The following GALK1 variants were observed in gnomAD, a reference collection of about 807,000 sequenced individuals.
GALK1 encodes the protein galactokinase.
GALK1 carries 30 observed loss-of-function variants against 38.6 expected under a neutral mutation model. The ratio of observed to expected loss-of-function variants is 0.78; its 90% CI spans 0.58 to 1.05. GALK1 has a LOEUF of 1.05. Among genes scored for constraint, GALK1 ranks in the 50% least tolerant of loss-of-function variants. The pLI is 0.00. For synonymous variants in GALK1, 240 were observed against 233.6 expected (o/e 1.03, Z -0.25); for missense variants, 512 against 540.5 (o/e 0.95, Z 0.52).
intron 1 of GALK1, chr17:75,764,534 C>A (rs2061602249): frequency 2.1e-6 from 1 of 487,266 alleles, no homozygotes; most frequent in Non-Finnish European, 4.0e-6. Flanking sequence ...TCCAGCAGTT[C>A]ACTGGGCCTC....
intron 2 of GALK1, 49 bp from the exon 3 acceptor site, chr17:75,763,488 G>A (rs1286260335): frequency 3.9e-5 from 60 of 1,549,448 alleles, no homozygotes; most frequent in Non-Finnish European, 5.2e-5. Context: ...CTGGGAGGAT[G>A]GCACAGGAAG....
chr17:75,757,558 G>A (rs375665623), downstream of GALK1: 315 of 1,613,180 alleles, frequency 2.0e-4, no homozygotes, highest in Admixed American at 2.5e-4. Flanking sequence ...AAACTTGACC[G>A]CACCCTGCCC....
chr17:75,764,282 C>A, intron 1 of GALK1, 196 bp from the exon 2 acceptor site: 1 of 762,662 alleles, frequency 1.3e-6, no homozygotes. Flanking sequence ...TCTTCAGGGG[C>A]GGGGCGGCTG....
downstream of GALK1, chr17:75,757,062 G>C: frequency 1.9e-6 from 3 of 1,612,840 alleles, no homozygotes; most frequent in East Asian, 2.2e-5. Flanking sequence ...TGAGGGCTTC[G>C]GGCCAGAGCG....
chr17:75,755,124 G>C, downstream of GALK1: 1 of 1,610,298 alleles, frequency 6.2e-7, no homozygotes, highest in Non-Finnish European at 8.5e-7. Flanking sequence ...TCCCGGAGTC[G>C]GGCTCAGATG....
At chr17:75,755,906 G>A (rs950716066), downstream of GALK1, 3 of 1,574,320 alleles carry the variant, frequency 1.9e-6, no homozygotes, top group Admixed American at 3.5e-5. Flanking sequence ...CCTGGCCCCA[G>A]TGTGACACAT....
chr17:75,755,669 A>T (rs1313218084), downstream of GALK1: 1 of 1,611,976 alleles, frequency 6.2e-7, no homozygotes, highest in South Asian at 1.1e-5. Flanking sequence ...TAGCCCCTGC[A>T]TCTCTGGCTG....
downstream of GALK1, chr17:75,755,879 G>A (rs1191000781): frequency 6.3e-7 from 1 of 1,594,580 alleles, no homozygotes; most frequent in Non-Finnish European, 8.5e-7. Context: ...CAGGCTGCGG[G>A]GTGCAGCCCT....
intron 8 of GALK1, chr17:75,752,403 G>A: frequency 6.2e-7 from 1 of 1,612,674 alleles, no homozygotes; most frequent in Non-Finnish European, 8.5e-7. Context: ...CAGGGGGGCA[G>A]GGGGCAGCAG....
At chr17:75,751,835 G>A (rs1568379298) in intron 8 of GALK1, 1 of 411,254 alleles carries the variant, frequency 2.4e-6, no homozygotes, top group Non-Finnish European at 4.6e-6. Flanking sequence ...CTCCAGTCCT[G>A]GAAGGGAGGC....
In GALK1 at chr17:75,764,007, G is replaced by C; in HGVS notation, c.245C>G (p.Ala82Gly). The C allele has an allele frequency of 1.9e-6, 3 of 1,609,734 alleles. No individual in the cohort carries two copies. The highest frequency in any genetic ancestry group is 2.5e-6 in the Non-Finnish European group (3 of 1,178,942). The change falls in exon 2 of 8, where the codon GCC becomes GGC. Residue 82 changes from alanine to glycine, a missense_variant. By Grantham distance (60) the Ala-to-Gly change is moderately conservative. Coordinates refer to ENST00000588479, the MANE Select transcript of GALK1 (RefSeq NM_000154.2). ...LVSLLTTSEG[A>G]DEPQRLQFPL... The stretch of plus-strand genomic sequence containing the variant: ...AAACTGCAGCCGCTGGGGCTCATCG[G>C]CACCCTCAGAGGTGGTGAGGAGAGA...
At chr17:75,754,363 C>T (rs1237928793), downstream of GALK1, 6 of 620,740 alleles carry the variant, frequency 9.7e-6, no homozygotes, top group Middle Eastern at 4.3e-4. Context: ...ATAGAGTGGC[C>T]GGCCAGAGGA....
intron 2 of GALK1, 106 bp downstream of exon 2, chr17:75,763,791 T>C: frequency 8.7e-7 from 1 of 1,143,576 alleles, no homozygotes; most frequent in Non-Finnish European, 1.3e-6. Context: ...GATGCTCCAC[T>C]CTACAAGCCT....
At chr17:75,764,651 C>T (rs1241937937) in intron 1 of GALK1, 4 of 507,796 alleles carry the variant, frequency 7.9e-6, no homozygotes, top group South Asian at 5.8e-5. Context: ...CGCGGAGTGT[C>T]CCCTTCTGCG....
downstream of GALK1, chr17:75,757,375 C>T (rs537736971): frequency 1.9e-6 from 3 of 1,612,866 alleles, no homozygotes; most frequent in African/African-American, 2.7e-5. Flanking sequence ...GGGAGAAGGG[C>T]AGACCCCAAG....
At chr17:75,755,864 G>C (rs1007627082), downstream of GALK1, 3 of 1,598,718 alleles carry the variant, frequency 1.9e-6, no homozygotes, top group African/African-American at 4.0e-5. Context: ...AGGCATGGTG[G>C]CTGCCAGGCT....
chr17:75,764,581 G>C (rs981020458), intron 1 of GALK1: 6 of 455,902 alleles, frequency 1.3e-5, no homozygotes, highest in African/African-American at 1.2e-4. Flanking sequence ...AATTGAACGG[G>C]CTGGGCCAGA....
intron 1 of GALK1, 182 bp downstream of exon 1, chr17:75,764,790 C>T: frequency 1.4e-6 from 1 of 699,058 alleles, no homozygotes; most frequent in Non-Finnish European, 2.4e-6. Flanking sequence ...TCCTCGCTTC[C>T]TCCCTTCCAA....
downstream of GALK1, chr17:75,757,135 C>T (rs1362528304): frequency 4.3e-6 from 7 of 1,612,722 alleles, no homozygotes; most frequent in Non-Finnish European, 5.9e-6. Context: ...CCTTCACCCC[C>T]ACCCCTCCTC....
Sources: allele counts gnomAD v4.1 joint callset, GRCh38; gene constraint gnomAD v4.1.1; transcripts MANE v1.5; gene names NCBI Gene and HGNC (gene_info 2026-07-23, HGNC 2026-07-21).